The following TEX14 variants were observed in gnomAD, a reference collection of about 807,000 sequenced individuals.
TEX14 encodes the protein inactive serine/threonine-protein kinase TEX14.
Under a neutral mutation model 178.6 loss-of-function variants are expected in TEX14, and 168 were observed. The observed-to-expected ratio is 0.94, with a 90% CI of 0.83 to 1.07. The LOEUF (loss-of-function observed/expected upper bound fraction) is 1.07, where lower values mean the gene tolerates loss of function less well. Among genes scored for constraint, TEX14 ranks in the 50% least tolerant of loss-of-function variants. The pLI is 0.00. For synonymous variants in TEX14, 626 were observed against 634.1 expected (o/e 0.99, Z 0.19); for missense variants, 1,730 against 1,753.6 (o/e 0.99, Z 0.24).
Position 58,660,819 on chromosome 17 carries a change from A to G in TEX14, c.-1-8817T>C, listed in dbSNP as rs374181884. ...ACTGTCATGGAAGCCAGACTTGGATAGCCAGCGCCAAATACTTTGGCTTGC... is the reference window on the plus strand; with the variant it reads ...ACTGTCATGGAAGCCAGACTTGGATGGCCAGCGCCAAATACTTTGGCTTGC... On this transcript the variant is annotated intron_variant, in intron 1 of 31. Coordinates refer to ENST00000349033, the MANE Select transcript of TEX14 (RefSeq NM_031272.5). 45 of 782,608 alleles carry G rather than the reference A, an allele frequency of 5.8e-5. No homozygotes were observed. In the African/African-American group the frequency reaches 6.7e-4, roughly 12 times the overall value. The allele number at this position is 782,608 out of a possible 1,614,324, so 48.5% of individuals were successfully genotyped here.
At position 58,617,299 on chromosome 17, in the gene TEX14, G is replaced by T. The variant is rs922488874; in HGVS notation, c.636+239C>A. On this transcript the variant is annotated intron_variant, in intron 6 of 31. Coordinates refer to ENST00000349033, the MANE Select transcript of TEX14 (RefSeq NM_031272.5). Reference sequence around the variant, plus strand: ...AAAACTAAAAATTAATTAATGAAAAGATCATTTTCTAAACTCAAGTGTAGC... The same window carrying T: ...AAAACTAAAAATTAATTAATGAAAATATCATTTTCTAAACTCAAGTGTAGC... 1.2e-4 allele frequency among the ~76,000 whole-genome samples: 19 copies of T among 152,224 alleles called. No individual in the cohort carries two copies. The South Asian group carries it at 3.1e-3, about 25-fold the overall frequency.
At position 58,613,407 on chromosome 17, in the gene TEX14, A is replaced by C. The variant is rs2045793635; in HGVS notation, c.1005+14T>G. ...GAGGTCAGCAATGGAAAATCCACGG[A>C]AACAGCAGTTTACTCGTTCATGAAG... On this transcript the variant is annotated intron_variant, in intron 9 of 31. Coordinates refer to ENST00000349033, the MANE Select transcript of TEX14 (RefSeq NM_031272.5). 4 of 1,613,794 alleles carry C rather than the reference A, an allele frequency of 2.5e-6. No individual in the cohort carries two copies. The highest frequency in any genetic ancestry group is 2.5e-6 in the Non-Finnish European group (3 of 1,179,882).
At chr17:58,679,639 C>G (rs1041423400) in intron 1 of TEX14, 1 of 152,182 alleles carries the variant, frequency 6.6e-6, no homozygotes, top group Admixed American at 6.6e-5. Context: ...CAAACCTCAC[C>G]CTGAAAAATC....
chr17:58,562,475 T>A lies in TEX14; in HGVS notation c.4065-863A>T, dbSNP rs551448914. Among the ~76,000 whole-genome samples, 3 of 152,160 alleles carry A rather than the reference T, an allele frequency of 2.0e-5. No homozygotes were observed. The South Asian group carries it at 6.2e-4, about 32-fold the overall frequency. Reference sequence around the variant, plus strand: ...GAAGAGGAAGAGACAACAATAATAATAGCTAACTTTTGATCACGTAAAAAG... The same window carrying A: ...GAAGAGGAAGAGACAACAATAATAAAAGCTAACTTTTGATCACGTAAAAAG... On this transcript the variant is annotated intron_variant, in intron 28 of 31. Coordinates refer to ENST00000349033, the MANE Select transcript of TEX14 (RefSeq NM_031272.5).
intron 1 of TEX14, among the ~76,000 whole-genome samples, chr17:58,662,024 G>T (rs1240118058): frequency 2.0e-5 from 3 of 151,998 alleles, no homozygotes; most frequent in African/African-American, 7.2e-5. Context: ...CTGCCACACA[G>T]GGAAGTAGCA....
intron 19 of TEX14, among the ~76,000 whole-genome samples, chr17:58,582,545 C>A (rs950332665): frequency 4.1e-4 from 62 of 151,850 alleles, no homozygotes; most frequent in African/African-American, 1.4e-3. Context: ...ACATGAGCCA[C>A]CACACCCGGC....
chr17:58,597,658 C>T (rs1033267338), intron 14 of TEX14, among the ~76,000 whole-genome samples: 1 of 152,158 alleles, frequency 6.6e-6, no homozygotes, highest in African/African-American at 2.4e-5. Context: ...AGGGCTAATC[C>T]ATGTCTAAGG....
chr17:58,645,660 G>A (rs2046689887), intron 2 of TEX14, among the ~76,000 whole-genome samples: 1 of 152,080 alleles, frequency 6.6e-6, no homozygotes, highest in African/African-American at 2.4e-5. Context: ...CCCGGCCTAT[G>A]GCTTCTATAA....
intron 1 of TEX14, chr17:58,659,224 G>GA (rs1305743175): frequency 4.6e-6 from 1 of 218,532 alleles, no homozygotes; most frequent in South Asian, 2.0e-4. Context: ...GAAATCGCGG[G>GA]AGCAAACACA....
At chr17:58,559,896 C>A (rs905632934) in intron 29 of TEX14, among the ~76,000 whole-genome samples, 8 of 152,184 alleles carry the variant, frequency 5.3e-5, no homozygotes, top group African/African-American at 4.8e-5. Flanking sequence ...CTTTCAACCA[C>A]TATGCTATAC....
intron 3 of TEX14, 59 bp from the exon 4 acceptor site, chr17:58,623,071 C>A: frequency 2.0e-6 from 3 of 1,496,666 alleles, no homozygotes; most frequent in Non-Finnish European, 2.7e-6. Flanking sequence ...TTCCATGGAG[C>A]GGGGCTCAGC....
chr17:58,646,415 C>G (rs555376284), intron 2 of TEX14, among the ~76,000 whole-genome samples: 221 of 152,308 alleles, frequency 1.5e-3, no homozygotes, highest in Non-Finnish European at 9.4e-4. Context: ...ACTGGTTTTC[C>G]CGTCAACTCA....
Position 58,581,638 on chromosome 17 carries a change from C to T in TEX14, c.3172-1907G>A, listed in dbSNP as rs201616585. ...CTAGAGCTAAGTTTTCTTGAGCAGT[C>T]GAGGAGTAAAAATATTCACCGTCTG... On this transcript the variant is annotated intron_variant, in intron 19 of 31. Coordinates refer to ENST00000349033, the MANE Select transcript of TEX14 (RefSeq NM_031272.5). The T allele has an allele frequency of 1.3e-4, 210 of 1,613,654 alleles. No homozygotes were observed. The highest frequency in any genetic ancestry group is 1.7e-4 in the Non-Finnish European group (198 of 1,179,872).
chr17:58,648,733 G>A lies in TEX14; in HGVS notation c.136+3133C>T, dbSNP rs548917624. 1.8e-4 allele frequency among the ~76,000 whole-genome samples: 27 copies of A among 152,028 alleles called. 2 individuals carry two copies. The South Asian group carries it at 5.4e-3, about 30-fold the overall frequency. ...CTGAAGGGCCTCTTGTCTTGAGACT[G>A]GCAAGGATGGGGAAAGCCACAGCCT... is the stretch of plus-strand genomic sequence containing the variant. On this transcript the variant is annotated intron_variant, in intron 2 of 31. Transcript: ENST00000349033.
At chr17:58,625,226 G>C (rs532770513) in intron 3 of TEX14, among the ~76,000 whole-genome samples, 39 of 151,804 alleles carry the variant, frequency 2.6e-4, no homozygotes, top group African/African-American at 6.0e-4. Context: ...TCTGCCTCTC[G>C]TGTTCAAGAG....
At chr17:58,604,794 C>T (rs2045565286) in intron 11 of TEX14, among the ~76,000 whole-genome samples, 184 bp downstream of exon 11, 1 of 152,160 alleles carries the variant, frequency 6.6e-6, no homozygotes, top group Admixed American at 6.5e-5. Context: ...CTCCTGACTT[C>T]AGGTGATCCA....
chr17:58,577,498 T>A (rs748755445), intron 20 of TEX14, 42 bp from the exon 21 acceptor site: 2 of 742,408 alleles, frequency 2.7e-6, no homozygotes, highest in East Asian at 7.0e-5. Context: ...TATTTTTTTT[T>A]ACTGAATCTT....
intron 29 of TEX14, 152 bp downstream of exon 29, chr17:58,561,368 A>G: frequency 1.6e-6 from 1 of 617,114 alleles, no homozygotes; most frequent in South Asian, 2.1e-5. Flanking sequence ...TCAGAGGAAG[A>G]GGGGCAAATA....
In TEX14 at chr17:58,601,987, AG is replaced by A. The variant is rs1191525180; in HGVS notation, c.1528-32del. On this transcript the variant is annotated intron_variant, in intron 12 of 31. Transcript: ENST00000349033. ...ACACAGGAAATATTGTCAAGGACAT[AG>A]TCTCAGTCATCCTGAATGTCACTGG... 5 of 1,609,632 alleles carry A rather than the reference AG, an allele frequency of 3.1e-6. No individual in the cohort carries two copies. The African/African-American group carries it at 5.4e-5, about 17-fold the overall frequency.
Sources: allele counts gnomAD v4.1 joint callset (sites outside exome capture counted in the v4.1 genomes callset), GRCh38; gene constraint gnomAD v4.1.1; transcripts MANE v1.5; gene names NCBI Gene and HGNC (gene_info 2026-07-23, HGNC 2026-07-21).